CSMD1: variants seen among roughly 807,000 people sequenced by gnomAD.
The protein encoded by CSMD1 is CUB and Sushi multiple domains 1.
In CSMD1, 213 loss-of-function variants were observed where a neutral mutation model predicts 417.5. That is an observed-to-expected ratio of 0.51 (90% CI 0.46 to 0.57). CSMD1 has a LOEUF of 0.57. CSMD1 is among the 20% of genes least tolerant of loss of function. The probability of loss-of-function intolerance (pLI) is 0.00; values close to 1 mark genes in which losing one functional copy is unlikely to be tolerated. For missense variants in CSMD1, 6,923 were observed against 4,529.7 expected, an observed-to-expected ratio of 1.53 and a Z score of -15.17; for synonymous variants, 2,862 against 1,736.8, an observed-to-expected ratio of 1.65 and a Z score of -16.11.
chr8:3,982,418 C>T (rs893984672), intron 5 of CSMD1, among the ~76,000 whole-genome samples: 20 of 151,734 alleles, frequency 1.3e-4, no homozygotes, highest in African/African-American at 4.6e-4. Flanking sequence ...ATATGGAAAG[C>T]ACAATAAGAC....
intron 1 of CSMD1, among the ~76,000 whole-genome samples, chr8:4,753,104 G>C (rs1428630198): frequency 6.6e-6 from 1 of 152,012 alleles, no homozygotes; most frequent in African/African-American, 2.4e-5. Flanking sequence ...GCTATTTTTG[G>C]AAACATTTTA....
At chr8:3,863,395 C>CAAAA (rs35446566) in intron 5 of CSMD1, among the ~76,000 whole-genome samples, 10 of 90,314 alleles carry the variant, frequency 1.1e-4, no homozygotes, top group African/African-American at 2.1e-4. Context: ...ATACTCTGCT[C>CAAAA]AAAAAAAAAA....
intron 4 of CSMD1, among the ~76,000 whole-genome samples, chr8:4,027,938 T>C (rs947954865): frequency 2.6e-5 from 4 of 152,054 alleles, no homozygotes; most frequent in African/African-American, 9.7e-5. Flanking sequence ...ATGGTAGAAA[T>C]AAGGAAGAAG....
intron 3 of CSMD1, among the ~76,000 whole-genome samples, chr8:4,292,971 A>G (rs1797453877): frequency 6.6e-6 from 1 of 152,242 alleles, no homozygotes; most frequent in Non-Finnish European, 1.5e-5. Flanking sequence ...CAGAGGCAAA[A>G]GACGTGAACA....
chr8:3,294,508 A>G (rs1179920671), intron 25 of CSMD1, among the ~76,000 whole-genome samples: 1 of 152,068 alleles, frequency 6.6e-6, no homozygotes, highest in East Asian at 1.9e-4. Context: ...TAGTCATTCA[A>G]GCCTTGGCAA....
At chr8:4,940,127 C>A (rs868850634) in intron 1 of CSMD1, among the ~76,000 whole-genome samples, 1 of 152,018 alleles carries the variant, frequency 6.6e-6, no homozygotes, top group African/African-American at 2.4e-5. Context: ...CTTGGCTCCC[C>A]CTGTGAGAGC....
intron 3 of CSMD1, among the ~76,000 whole-genome samples, chr8:4,310,115 C>G (rs1192581970): frequency 6.6e-6 from 1 of 152,144 alleles, no homozygotes; most frequent in Non-Finnish European, 1.5e-5. Flanking sequence ...ACTTATCTCC[C>G]ATTCATCCCT....
intron 5 of CSMD1, among the ~76,000 whole-genome samples, chr8:3,755,018 T>C (rs766836098): frequency 2.6e-5 from 4 of 152,230 alleles, no homozygotes; most frequent in Non-Finnish European, 5.9e-5. Context: ...CTGTTTAAAA[T>C]ATCCATTTCA....
rs616476 is a variant in CSMD1 at position 2,994,272 on chromosome 8, T to C, written c.8377+3739A>G. Among the ~76,000 whole-genome samples the C allele has an allele frequency of 6.6e-5, 10 of 151,920 alleles. No homozygotes were observed. In the East Asian group the frequency reaches 1.7e-3, roughly 26 times the overall value. Reference sequence around the variant, plus strand: ...AAGTAGTTGACCTCGTGTGTACTGATTGCTGATGGTCAATTTGGGTCATTC... The same window carrying C: ...AAGTAGTTGACCTCGTGTGTACTGACTGCTGATGGTCAATTTGGGTCATTC... On this transcript the variant is annotated intron_variant, in intron 54 of 69. Coordinates refer to ENST00000635120, the MANE Select transcript of CSMD1 (RefSeq NM_033225.6).
intron 41 of CSMD1, among the ~76,000 whole-genome samples, chr8:3,126,303 G>T (rs1352822189): frequency 2.0e-5 from 3 of 152,174 alleles, no homozygotes; most frequent in African/African-American, 7.2e-5. Context: ...TAGTTTCTTT[G>T]ATAAAATATT....
intron 3 of CSMD1, among the ~76,000 whole-genome samples, chr8:4,343,351 T>C (rs1800588479): frequency 6.6e-6 from 1 of 151,994 alleles, no homozygotes; most frequent in African/African-American, 2.4e-5. Flanking sequence ...AGATCTAATA[T>C]AGAACAGTGT....
chr8:3,527,925 C>A (rs1797822072), intron 10 of CSMD1, among the ~76,000 whole-genome samples: 2 of 152,162 alleles, frequency 1.3e-5, no homozygotes, highest in South Asian at 4.1e-4. Context: ...GGTTGTAGGG[C>A]AGTTCTGTGC....
intron 36 of CSMD1, among the ~76,000 whole-genome samples, chr8:3,184,096 G>A (rs894475154): frequency 6.6e-6 from 1 of 152,130 alleles, no homozygotes; most frequent in Admixed American, 6.5e-5. Flanking sequence ...TGATCTGACT[G>A]CTGCTTGCTT....
intron 6 of CSMD1, among the ~76,000 whole-genome samples, chr8:3,715,734 G>A (rs997486622): frequency 2.6e-5 from 4 of 152,090 alleles, no homozygotes; most frequent in South Asian, 2.1e-4. Flanking sequence ...GTAGAGACAC[G>A]GTTTCACCAT....
intron 12 of CSMD1, among the ~76,000 whole-genome samples, chr8:3,465,385 A>G (rs1816739653): frequency 6.6e-6 from 1 of 152,154 alleles, no homozygotes; most frequent in Non-Finnish European, 1.5e-5. Flanking sequence ...GAAATCTCAC[A>G]TATGCCCAAG....
At chr8:3,619,442 G>A (rs1802309829) in intron 7 of CSMD1, among the ~76,000 whole-genome samples, 1 of 151,938 alleles carries the variant, frequency 6.6e-6, no homozygotes, top group African/African-American at 2.4e-5. Context: ...CATTCAAAGG[G>A]TCGAAATAAA....
intron 5 of CSMD1, among the ~76,000 whole-genome samples, chr8:3,803,360 T>G (rs1384717010): frequency 1.3e-5 from 2 of 152,110 alleles, no homozygotes; most frequent in African/African-American, 2.4e-5. Context: ...AGACAAGACT[T>G]GAATGGTAAG....
At chr8:2,952,856 G>A (rs1802730075) in intron 65 of CSMD1, among the ~76,000 whole-genome samples, 1 of 152,198 alleles carries the variant, frequency 6.6e-6, no homozygotes, top group Admixed American at 6.5e-5. Flanking sequence ...ATTAAAATAG[G>A]ACCACGAGTC....
At chr8:4,454,252 C>T (rs1490178246) in intron 2 of CSMD1, among the ~76,000 whole-genome samples, 1 of 152,174 alleles carries the variant, frequency 6.6e-6, no homozygotes, top group African/African-American at 2.4e-5. Context: ...ACAGTGCTTA[C>T]CGCCTCTCAC....
Sources: gnomAD v4.1 joint callset for allele counts (sites outside exome capture counted in the v4.1 genomes callset) on GRCh38, gnomAD v4.1.1 for gene constraint, MANE v1.5 for transcripts, NCBI Gene and HGNC (gene_info 2026-07-23, HGNC 2026-07-21) for gene names.